The following WLS variants were observed in gnomAD, a reference collection of about 807,000 sequenced individuals.
The protein encoded by WLS is protein wntless homolog.
In WLS, 23 loss-of-function variants were observed where a neutral mutation model predicts 62.8. The ratio of observed to expected loss-of-function variants is 0.37; its 90% CI spans 0.26 to 0.52. The LOEUF is 0.52. Among genes scored for constraint, WLS ranks in the 20% least tolerant of loss-of-function variants. The probability of loss-of-function intolerance (pLI) is 0.92; values close to 1 mark genes in which losing one functional copy is unlikely to be tolerated. For missense variants in WLS, 615 were observed against 697.3 expected (o/e 0.88, Z 1.33); for synonymous variants, 246 against 244.1 (o/e 1.01, Z -0.07).
In WLS at chr1:68,126,215, G is replaced by A. The variant is rs368139849; in HGVS notation, c.*11C>T. On this transcript the variant is annotated 3_prime_UTR_variant, in exon 12 of 12. Coordinates refer to ENST00000262348, the MANE Select transcript of WLS (RefSeq NM_024911.7). Reference sequence around the variant, plus strand: ...TATGGAGAGACCGTCCCAGCCGGGCGCTGCAGCCTCCTACTCCTGGGCCTC... The same window carrying A: ...TATGGAGAGACCGTCCCAGCCGGGCACTGCAGCCTCCTACTCCTGGGCCTC... The A allele has an allele frequency of 1.4e-5, 23 of 1,613,996 alleles. No homozygotes were observed. Among genetic ancestry groups the A allele is most frequent in the Middle Eastern group, 1.7e-4 (1 of 6,058 alleles).
chr1:68,197,403 C>T (rs1407773056), intron 1 of WLS, among the ~76,000 whole-genome samples: 3 of 152,158 alleles, frequency 2.0e-5, no homozygotes, highest in African/African-American at 7.2e-5. Context: ...TCAAGCTATA[C>T]TGTGAGAATC....
At chr1:68,153,166 C>T (rs927459582) in intron 5 of WLS, among the ~76,000 whole-genome samples, 9 of 152,146 alleles carry the variant, frequency 5.9e-5, no homozygotes, top group Admixed American at 2.6e-4. Context: ...TTCTAGCTAC[C>T]GGGAGGCTGA....
rs116262838 is a variant in WLS at position 68,162,639 on chromosome 1, C to T, written c.380-3392G>A. 42 of 1,242,978 alleles carry T rather than the reference C, an allele frequency of 3.4e-5. No individual in the cohort carries two copies. In the African/African-American group the frequency reaches 5.4e-4, roughly 16 times the overall value. 77.0% of individuals were successfully genotyped at this position (1,242,978 alleles called of 1,614,324 possible). A position where few individuals can be genotyped will look rare whatever the true frequency, so the allele number is the denominator to read the frequency against. On this transcript the variant is annotated intron_variant, in intron 2 of 11. Coordinates refer to ENST00000262348, the MANE Select transcript of WLS (RefSeq NM_024911.7). ...TGCCTTACCGCAGTGCTTGGTACAG[C>T]CATGTGTTCCTCTGGTACAGATTGA...
chr1:68,214,581 G>C (rs1458997910), intron 1 of WLS, among the ~76,000 whole-genome samples: 1 of 152,132 alleles, frequency 6.6e-6, no homozygotes, highest in African/African-American at 2.4e-5. Flanking sequence ...AGCCAGGCTA[G>C]TCTCAAACTC....
At chr1:68,224,676 G>C (rs765246186) in intron 1 of WLS, among the ~76,000 whole-genome samples, 39 of 152,138 alleles carry the variant, frequency 2.6e-4, no homozygotes, top group Non-Finnish European at 4.9e-4. Context: ...TGTCTCAGGA[G>C]TTGGGGATCC....
intron 10 of WLS, among the ~76,000 whole-genome samples, chr1:68,139,918 G>A (rs1646662960): frequency 1.3e-5 from 2 of 152,210 alleles, no homozygotes. Context: ...ATTTAAAAGT[G>A]AGAGGAGATG....
At chr1:68,168,472 A>G (rs1360685478) in intron 2 of WLS, among the ~76,000 whole-genome samples, 1 of 152,212 alleles carries the variant, frequency 6.6e-6, no homozygotes, top group East Asian at 1.9e-4. Context: ...CTGTTAACCA[A>G]TACCAGTTCC....
chr1:68,153,433 T>C, intron 5 of WLS, 84 bp downstream of exon 5: 1 of 1,578,810 alleles, frequency 6.3e-7, no homozygotes, highest in Non-Finnish European at 8.6e-7. Flanking sequence ...ACTGGCTGCT[T>C]GAACTGGACA....
chr1:68,120,347 G>A (rs1031892382), intron 11 of WLS, among the ~76,000 whole-genome samples: 1 of 152,222 alleles, frequency 6.6e-6, no homozygotes. Flanking sequence ...GATTTGGCCT[G>A]AAGAGGGCAG....
intron 2 of WLS, among the ~76,000 whole-genome samples, chr1:68,159,798 G>C (rs1181617443): frequency 6.6e-6 from 1 of 152,178 alleles, no homozygotes; most frequent in Non-Finnish European, 1.5e-5. Flanking sequence ...TATAGGATTT[G>C]CTACTTTTCC....
At chr1:68,217,267 C>T (rs1649767670) in intron 1 of WLS, among the ~76,000 whole-genome samples, 1 of 152,198 alleles carries the variant, frequency 6.6e-6, no homozygotes, top group Non-Finnish European at 1.5e-5. Context: ...AGCTTGAAGC[C>T]TGGTGACCTC....
chr1:68,191,433 C>G (rs1648297168), intron 2 of WLS, among the ~76,000 whole-genome samples: 1 of 152,108 alleles, frequency 6.6e-6, no homozygotes, highest in African/African-American at 2.4e-5. Context: ...TTTAGACATA[C>G]AGTTTTGAAT....
At chr1:68,168,667 G>C (rs1647099329) in intron 2 of WLS, among the ~76,000 whole-genome samples, 1 of 152,184 alleles carries the variant, frequency 6.6e-6, no homozygotes, top group South Asian at 2.1e-4. Flanking sequence ...AAAAATTAAA[G>C]AGGTTTCAAT....
chr1:68,101,735 G>GTT lies in WLS; in HGVS notation c.1511-2983_1511-2982insAA, dbSNP rs1557439762. 1.7e-4 allele frequency among the ~76,000 whole-genome samples: 26 copies of GTT among 152,194 alleles called. 1 individual carries two copies. In the East Asian group the frequency reaches 3.7e-3, roughly 21 times the overall value. On this transcript the variant is annotated intron_variant, in intron 11 of 11. Transcript: ENST00000354777. ...TAGAAACTTCATGAATTGGGGGTGA[G>GTT]TCTCCCAATGGTGAAAGTTCAGGAA...
chr1:68,170,160 C>CTTTTTTT (rs571306573), intron 2 of WLS, among the ~76,000 whole-genome samples: 33 of 86,754 alleles, frequency 3.8e-4, no homozygotes, highest in Admixed American at 4.1e-4. Flanking sequence ...GCTACTATTT[C>CTTTTTTT]TTTTTTTTTT....
chr1:68,175,109 G>A (rs1647216311), intron 2 of WLS, among the ~76,000 whole-genome samples: 1 of 152,180 alleles, frequency 6.6e-6, no homozygotes, highest in East Asian at 1.9e-4. Context: ...CTCCAAAGTT[G>A]TTCTCACCAA....
rs112018481 is a variant in WLS, at chr1:68,126,484, A to C, written c.1517-149T>G. On this transcript the variant is annotated intron_variant, in intron 11 of 11. Coordinates refer to ENST00000262348, the MANE Select transcript of WLS (RefSeq NM_024911.7). ...AGGGCACACAACATTCAGAACAAGG[A>C]CTAACTCCAAACCTGTTCACTTGGA... is the stretch of plus-strand genomic sequence containing the variant. The C allele has an allele frequency of 5.3e-5, 58 of 1,090,098 alleles. 1 individual carries two copies. In the African/African-American group the frequency reaches 5.5e-4, roughly 10 times the overall value. 67.5% of individuals were successfully genotyped at this position (1,090,098 alleles called of 1,614,324 possible).
intron 11 of WLS, among the ~76,000 whole-genome samples, chr1:68,115,173 C>A (rs1646274870): frequency 6.6e-6 from 1 of 152,214 alleles, no homozygotes; most frequent in African/African-American, 2.4e-5. Context: ...CCCTCTGGGG[C>A]TCCTTAGGGT....
intron 11 of WLS, among the ~76,000 whole-genome samples, chr1:68,118,122 A>G (rs143704041): frequency 9.2e-5 from 14 of 152,312 alleles, no homozygotes; most frequent in African/African-American, 3.4e-4. Context: ...TATCCTGGTA[A>G]ACATCCAAAT....
Sources: gnomAD v4.1 joint callset for allele counts (sites outside exome capture counted in the v4.1 genomes callset) on GRCh38, gnomAD v4.1.1 for gene constraint, MANE v1.5 for transcripts, NCBI Gene and HGNC (gene_info 2026-07-23, HGNC 2026-07-21) for gene names.